The following EBF1 variants were observed in gnomAD, a reference collection of about 807,000 sequenced individuals.
EBF1 encodes EBF transcription factor 1.
A neutral mutation model predicts 68.4 loss-of-function variants in EBF1; 10 were observed. That is an observed-to-expected ratio of 0.15 (90% CI 0.09 to 0.25). The LOEUF is 0.25. Among genes scored for constraint, EBF1 ranks in the 10% least tolerant of loss-of-function variants. The probability of loss-of-function intolerance (pLI) is 1.00; values close to 1 mark genes in which losing one functional copy is unlikely to be tolerated. For missense variants in EBF1, 509 were observed against 794.4 expected, an observed-to-expected ratio of 0.64 and a Z score of 4.32; for synonymous variants, 298 against 299.8, an observed-to-expected ratio of 0.99 and a Z score of 0.06.
chr5:159,001,266 AT>A (rs201659509), intron 6 of EBF1, among the ~76,000 whole-genome samples: 13 of 152,044 alleles, frequency 8.6e-5, no homozygotes, highest in African/African-American at 2.2e-4. Flanking sequence ...TAAGAAAGAA[AT>A]TTTTTTTAAT....
intron 6 of EBF1, among the ~76,000 whole-genome samples, chr5:159,056,595 A>C (rs1052470904): frequency 6.6e-6 from 1 of 152,176 alleles, no homozygotes; most frequent in African/African-American, 2.4e-5. Context: ...CTTAGGCAAA[A>C]CTGTACACAA....
intron 6 of EBF1, among the ~76,000 whole-genome samples, chr5:159,053,910 A>G (rs1296931014): frequency 6.6e-6 from 1 of 152,238 alleles, no homozygotes; most frequent in Non-Finnish European, 1.5e-5. Flanking sequence ...AGATGGCAAG[A>G]GGATAAGGAC....
intron 6 of EBF1, among the ~76,000 whole-genome samples, chr5:159,042,567 GA>G (rs570886220): frequency 2.0e-4 from 28 of 143,268 alleles, no homozygotes; most frequent in East Asian, 6.1e-4. Flanking sequence ...TTTCCCAAAG[GA>G]AAAAAAAAAT....
At chr5:158,754,427 G>A (rs1433531840) in intron 10 of EBF1, among the ~76,000 whole-genome samples, 1 of 152,142 alleles carries the variant, frequency 6.6e-6, no homozygotes, top group Non-Finnish European at 1.5e-5. Context: ...TCAACTGACA[G>A]TGCAGCCTGA....
At chr5:158,992,441 T>G (rs559030970) in intron 6 of EBF1, among the ~76,000 whole-genome samples, 1 of 152,272 alleles carries the variant, frequency 6.6e-6, no homozygotes, top group South Asian at 2.1e-4. Context: ...ATAAAGACAT[T>G]GATGTGTTTT....
intron 6 of EBF1, among the ~76,000 whole-genome samples, chr5:158,932,393 C>T (rs1005984709): frequency 6.6e-6 from 1 of 152,054 alleles, no homozygotes; most frequent in Non-Finnish European, 1.5e-5. Context: ...AGGTATAACA[C>T]ATATGTCCTC....
chr5:158,823,961 C>G (rs1186529610), intron 7 of EBF1, among the ~76,000 whole-genome samples: 1 of 151,614 alleles, frequency 6.6e-6, no homozygotes, highest in Non-Finnish European at 1.5e-5. Context: ...GTGGGAATGG[C>G]CCAAGACATA....
intron 11 of EBF1, among the ~76,000 whole-genome samples, chr5:158,717,814 C>T (rs1250775715): frequency 6.6e-6 from 1 of 152,104 alleles, no homozygotes; most frequent in African/African-American, 2.4e-5. Flanking sequence ...AAAAGCTTTA[C>T]TCCTTAAAAA....
intron 6 of EBF1, among the ~76,000 whole-genome samples, chr5:158,943,616 C>G (rs1813974495): frequency 6.6e-6 from 1 of 152,128 alleles, no homozygotes; most frequent in South Asian, 2.1e-4. Context: ...ATTCTGGGTT[C>G]TAGAATCAGG....
intron 15 of EBF1, among the ~76,000 whole-genome samples, chr5:158,703,008 G>C (rs773660605): frequency 1.3e-5 from 2 of 152,066 alleles, no homozygotes; most frequent in Non-Finnish European, 2.9e-5. Context: ...TTTTTCATGC[G>C]TAGACTGTCC....
chr5:158,907,544 C>T (rs1406169338), intron 6 of EBF1, among the ~76,000 whole-genome samples: 2 of 152,076 alleles, frequency 1.3e-5, no homozygotes, highest in African/African-American at 2.4e-5. Flanking sequence ...GCTGGAAAAG[C>T]AAAACTTTCA....
chr5:158,786,996 T>C (rs114826952), intron 9 of EBF1, among the ~76,000 whole-genome samples: 1,779 of 152,248 alleles, frequency 0.012, 42 homozygotes, highest in African/African-American at 0.041. Flanking sequence ...GTTTGTCATA[T>C]CTAGATATGA....
At chr5:158,891,273 G>A (rs1346046936) in intron 6 of EBF1, among the ~76,000 whole-genome samples, 2 of 152,180 alleles carry the variant, frequency 1.3e-5, no homozygotes, top group East Asian at 3.8e-4. Flanking sequence ...AACTTCTGCA[G>A]TTAGAAAACT....
intron 7 of EBF1, among the ~76,000 whole-genome samples, chr5:158,827,139 A>G (rs925904355): frequency 6.6e-6 from 1 of 152,192 alleles, no homozygotes; most frequent in Non-Finnish European, 1.5e-5. Context: ...AGTAGCAGTA[A>G]TAGAGTAGTA....
chr5:159,077,187 C>A (rs1301257904), intron 5 of EBF1, among the ~76,000 whole-genome samples: 4 of 152,250 alleles, frequency 2.6e-5, no homozygotes, highest in Non-Finnish European at 5.9e-5. Context: ...ATAATCCCAG[C>A]ACTTTGGGAG....
chr5:158,882,373 A>G (rs1259020257), intron 6 of EBF1, among the ~76,000 whole-genome samples: 2 of 152,144 alleles, frequency 1.3e-5, no homozygotes, highest in African/African-American at 4.8e-5. Flanking sequence ...TCACAGGAAA[A>G]ATGAGTGTTT....
At position 158,696,717 on chromosome 5, in the gene EBF1, TC is replaced by T. The variant is rs1755818341; in HGVS notation, c.*2393del. 3.0e-5 allele frequency: 1 copy of T among 33,860 alleles called. No individual in the cohort carries two copies. The highest frequency in any genetic ancestry group is 1.5e-4 in the African/African-American group (1 of 6,700). 2.1% of individuals were successfully genotyped at this position (33,860 alleles called of 1,614,324 possible). ...CTCCCCTACCCTCCCACAACTCCCC[TC>T]CCCCACCCACCCCAACCCATAAAAA... On this transcript the variant is annotated 3_prime_UTR_variant, in exon 16 of 16. Transcript: ENST00000313708.
chr5:158,766,680 T>C (rs1010532976), intron 10 of EBF1, among the ~76,000 whole-genome samples: 17 of 152,104 alleles, frequency 1.1e-4, no homozygotes, highest in African/African-American at 4.1e-4. Context: ...TGTCCAATGA[T>C]AGAGGAATGA....
At chr5:159,011,921 C>T (rs1247162393) in intron 6 of EBF1, among the ~76,000 whole-genome samples, 2 of 152,204 alleles carry the variant, frequency 1.3e-5, no homozygotes, top group Non-Finnish European at 2.9e-5. Context: ...CTGTGTCATT[C>T]GGAAGCCACT....
Sources: gnomAD v4.1 joint callset for allele counts (sites outside exome capture counted in the v4.1 genomes callset) on GRCh38, gnomAD v4.1.1 for gene constraint, MANE v1.5 for transcripts, NCBI Gene and HGNC (gene_info 2026-07-23, HGNC 2026-07-21) for gene names.